The following MACROD2 variants were observed in gnomAD, a reference collection of about 807,000 sequenced individuals.
The protein encoded by MACROD2 is mono-ADP ribosylhydrolase 2, also known as ADP-ribose glycohydrolase MACROD2.
In MACROD2, 36 loss-of-function variants were observed where a neutral mutation model predicts 70.4. That is an observed-to-expected ratio of 0.51 (90% CI 0.39 to 0.68). The LOEUF (loss-of-function observed/expected upper bound fraction) is 0.68. Among genes scored for constraint, MACROD2 ranks in the 30% least tolerant of loss-of-function variants. MACROD2 has a pLI of 0.00. For missense variants in MACROD2, 496 were observed against 538.4 expected, an observed-to-expected ratio of 0.92 and a Z score of 0.78; for synonymous variants, 172 against 178.8, an observed-to-expected ratio of 0.96 and a Z score of 0.30.
At position 15,936,671 on chromosome 20, in the gene MACROD2, G is replaced by GTGTATATATATATATATATATATATATA. The variant is rs1555797416; in HGVS notation, c.839-804_839-803insGTATATATATATATATATATATATATAT. ...TTTTGTCCATAATGTGTATATGTGT[G>GTGTATATATATATATATATATATATATA]TATATATATATATATATTCATTTTC... is the stretch of plus-strand genomic sequence containing the variant. On this transcript the variant is annotated intron_variant, in intron 11 of 17. Transcript: ENST00000684519. 1.5e-3 allele frequency among the ~76,000 whole-genome samples: 221 copies of GTGTATATATATATATATATATATATATA among 143,214 alleles called. 1 individual carries two copies. Among genetic ancestry groups the GTGTATATATATATATATATATATATATA allele is most frequent in the African/African-American group, 1.7e-3 (67 of 38,306 alleles). 94.0% of individuals were successfully genotyped at this position (143,214 alleles called of 152,430 possible).
rs572354886 is a variant in MACROD2, at chr20:14,407,639, T to C, written c.272-85840T>C. ...AAAATGAAGTAAATATGTAATGCTT[T>C]AGAAATTTCACTGGAAAGGCATCAG... On this transcript the variant is annotated intron_variant, in intron 3 of 17. Transcript: ENST00000684519. 2.0e-3 allele frequency among the ~76,000 whole-genome samples: 311 copies of C among 152,270 alleles called. 2 individuals are homozygous for C. The highest frequency in any genetic ancestry group is 7.4e-3 in the African/African-American group (308 of 41,562).
intron 3 of MACROD2, among the ~76,000 whole-genome samples, chr20:14,307,804 C>T (rs1036093700): frequency 2.6e-5 from 4 of 152,008 alleles, no homozygotes; most frequent in Non-Finnish European, 5.9e-5. Flanking sequence ...TTATTTGCCT[C>T]CTTTTCTAGA....
intron 8 of MACROD2, among the ~76,000 whole-genome samples, chr20:15,807,315 G>A (rs1006946677): frequency 6.6e-6 from 1 of 152,132 alleles, no homozygotes; most frequent in Non-Finnish European, 1.5e-5. Flanking sequence ...TATGATTTTG[G>A]TGACTGAAAA....
chr20:14,080,681 T>C (rs2053980680), intron 2 of MACROD2, among the ~76,000 whole-genome samples: 1 of 106,594 alleles, frequency 9.4e-6, no homozygotes, highest in South Asian at 3.3e-4. Context: ...ATTCTAGTCC[T>C]GTTCATTTTT....
At chr20:15,048,501 T>C (rs980970754) in intron 5 of MACROD2, among the ~76,000 whole-genome samples, 5 of 152,000 alleles carry the variant, frequency 3.3e-5, no homozygotes, top group African/African-American at 1.2e-4. Flanking sequence ...CGTGCCTACC[T>C]TACAGGGTTA....
At chr20:15,954,592 G>A (rs370647257) in intron 12 of MACROD2, among the ~76,000 whole-genome samples, 1 of 152,060 alleles carries the variant, frequency 6.6e-6, no homozygotes, top group Non-Finnish European at 1.5e-5. Context: ...TACACAGTAT[G>A]GCCTACAGAG....
intron 8 of MACROD2, among the ~76,000 whole-genome samples, chr20:15,698,036 C>T (rs1203363383): frequency 6.6e-6 from 1 of 152,128 alleles, no homozygotes; most frequent in Non-Finnish European, 1.5e-5. Context: ...TCAAGTGGAG[C>T]ATTTAGGACA....
At chr20:14,008,638 C>G (rs1406835514) in intron 2 of MACROD2, among the ~76,000 whole-genome samples, 1 of 151,990 alleles carries the variant, frequency 6.6e-6, no homozygotes, top group Non-Finnish European at 1.5e-5. Flanking sequence ...CATATGGAAC[C>G]AAAAAAGAGC....
intron 9 of MACROD2, among the ~76,000 whole-genome samples, chr20:15,879,612 A>T (rs891667124): frequency 6.6e-6 from 1 of 152,170 alleles, no homozygotes; most frequent in African/African-American, 2.4e-5. Flanking sequence ...CCTCTGCTCA[A>T]AGTTGTTTAA....
intron 3 of MACROD2, among the ~76,000 whole-genome samples, chr20:14,469,767 T>C (rs927909785): frequency 6.6e-6 from 1 of 152,050 alleles, no homozygotes; most frequent in East Asian, 2.0e-4. Flanking sequence ...GCTGTGTTTT[T>C]CAGCTCCATC....
At chr20:14,816,568 G>A (rs2072776187) in intron 5 of MACROD2, among the ~76,000 whole-genome samples, 1 of 151,916 alleles carries the variant, frequency 6.6e-6, no homozygotes, top group Non-Finnish European at 1.5e-5. Context: ...CTAACATAGA[G>A]CAGAACCACT....
At chr20:14,010,786 C>T (rs2052891607) in intron 2 of MACROD2, among the ~76,000 whole-genome samples, 1 of 152,054 alleles carries the variant, frequency 6.6e-6, no homozygotes, top group Non-Finnish European at 1.5e-5. Flanking sequence ...ATCTTGAAAC[C>T]CTTCACCCCC....
chr20:15,038,282 G>A (rs2075329635), intron 5 of MACROD2, among the ~76,000 whole-genome samples: 1 of 152,030 alleles, frequency 6.6e-6, no homozygotes, highest in Admixed American at 6.6e-5. Flanking sequence ...TCAAAACTAG[G>A]TTATGTACAT....
chr20:15,350,040 G>T (rs1367848832), intron 6 of MACROD2, among the ~76,000 whole-genome samples: 2 of 152,176 alleles, frequency 1.3e-5, no homozygotes, highest in Non-Finnish European at 2.9e-5. Flanking sequence ...GTCTAAACGT[G>T]TAAGATTTTC....
intron 8 of MACROD2, among the ~76,000 whole-genome samples, chr20:15,663,581 C>T (rs776287340): frequency 3.3e-5 from 5 of 151,346 alleles, no homozygotes; most frequent in Non-Finnish European, 7.4e-5. Context: ...TATTTCAAAA[C>T]TTAAAACAAT....
intron 1 of MACROD2, among the ~76,000 whole-genome samples, chr20:13,996,989 A>C (rs2052669593): frequency 6.6e-6 from 1 of 152,224 alleles, no homozygotes; most frequent in Non-Finnish European, 1.5e-5. Context: ...CACGAAGGCA[A>C]AACAGTGGAG....
intron 5 of MACROD2, among the ~76,000 whole-genome samples, chr20:15,091,423 A>T (rs2075792242): frequency 6.7e-6 from 1 of 149,786 alleles, no homozygotes; most frequent in Non-Finnish European, 1.5e-5. Flanking sequence ...GAATGAAAAT[A>T]TTTTTTTTTT....
intron 3 of MACROD2, among the ~76,000 whole-genome samples, chr20:14,408,005 A>G (rs2083709969): frequency 6.6e-6 from 1 of 152,122 alleles, no homozygotes. Flanking sequence ...ACCAGACTGT[A>G]TGGGTTCAAA....
intron 3 of MACROD2, among the ~76,000 whole-genome samples, chr20:14,256,793 C>T (rs1380277623): frequency 6.6e-6 from 1 of 152,184 alleles, no homozygotes; most frequent in Non-Finnish European, 1.5e-5. Flanking sequence ...TCAGCTCCCA[C>T]TGCAGATTCT....
Sources: gnomAD v4.1 joint callset for allele counts (sites outside exome capture counted in the v4.1 genomes callset) on GRCh38, gnomAD v4.1.1 for gene constraint, MANE v1.5 for transcripts, NCBI Gene and HGNC (gene_info 2026-07-23, HGNC 2026-07-21) for gene names.